The following DACH2 variants were observed in gnomAD, a reference collection of about 807,000 sequenced individuals.
DACH2 encodes dachshund family transcription factor 2, also known as dachshund homolog 2.
In DACH2, 17 loss-of-function variants were observed where a neutral mutation model predicts 35.8. That is an observed-to-expected ratio of 0.48 (90% CI 0.33 to 0.71). The LOEUF (loss-of-function observed/expected upper bound fraction) is 0.71, where lower values mean the gene tolerates loss of function less well. DACH2 is among the 30% of genes least tolerant of loss of function. DACH2 has a pLI of 0.02. For missense variants in DACH2, 469 were observed against 472.7 expected (o/e 0.99, Z 0.07); for synonymous variants, 195 against 177.3 (o/e 1.10, Z -0.79).
chrX:86,522,827 G>A (rs934193482), intron 3 of DACH2, among the ~76,000 whole-genome samples: 1 of 111,640 alleles, frequency 9.0e-6, no homozygotes, highest in Non-Finnish European at 1.9e-5. Flanking sequence ...AGGGAGAAAA[G>A]GAGAGGGAAT....
At chrX:86,663,196 T>C (rs1389281716) in intron 4 of DACH2, among the ~76,000 whole-genome samples, 2 of 111,674 alleles carry the variant, frequency 1.8e-5, no homozygotes. Flanking sequence ...GTAGGAAATA[T>C]TCATTTCTCT....
chrX:86,262,665 T>A (rs2033648208), intron 1 of DACH2, among the ~76,000 whole-genome samples: 1 of 111,689 alleles, frequency 9.0e-6, no homozygotes, highest in Non-Finnish European at 1.9e-5. Context: ...CCATTCATTG[T>A]ATACCGCCTC....
At chrX:86,253,440 C>T (rs186149238) in intron 1 of DACH2, among the ~76,000 whole-genome samples, 10 of 111,697 alleles carry the variant, frequency 9.0e-5, no homozygotes, top group Non-Finnish European at 1.7e-4. Flanking sequence ...TATTATTTTG[C>T]TATTGCTCAA....
chrX:86,809,623 G>C (rs1248099719), intron 7 of DACH2, among the ~76,000 whole-genome samples: 1 of 111,720 alleles, frequency 9.0e-6, no homozygotes, highest in Non-Finnish European at 1.9e-5. Context: ...TGTGACCTTG[G>C]TGTGAAAAGC....
chrX:86,751,892 G>A (rs2041777473), intron 7 of DACH2, among the ~76,000 whole-genome samples: 1 of 111,753 alleles, frequency 8.9e-6, no homozygotes, highest in African/African-American at 3.2e-5. Context: ...ATACAACATG[G>A]AATATTACAG....
intron 3 of DACH2, among the ~76,000 whole-genome samples, chrX:86,641,457 A>G (rs747910188): frequency 8.9e-6 from 1 of 112,342 alleles, no homozygotes; most frequent in African/African-American, 3.2e-5. Flanking sequence ...GGGATTATGT[A>G]AAGAGGCAAA....
chrX:86,266,565 T>C (rs1483208027), intron 1 of DACH2, among the ~76,000 whole-genome samples: 1 of 111,841 alleles, frequency 8.9e-6, no homozygotes, highest in East Asian at 2.8e-4. Context: ...ATGCAACATA[T>C]TGCATGCAAA....
intron 4 of DACH2, among the ~76,000 whole-genome samples, chrX:86,669,627 C>A (rs2040741021): frequency 9.0e-6 from 1 of 111,224 alleles, no homozygotes; most frequent in Admixed American, 9.6e-5. Flanking sequence ...AGTATATGGT[C>A]AAATACATGA....
chrX:86,330,833 G>T (rs950897055), intron 1 of DACH2, among the ~76,000 whole-genome samples: 5 of 111,437 alleles, frequency 4.5e-5, no homozygotes, highest in Non-Finnish European at 9.4e-5. Flanking sequence ...AAAATGAAAA[G>T]TATTTTCCCA....
chrX:86,403,958 G>A (rs2036479283), intron 2 of DACH2, among the ~76,000 whole-genome samples: 1 of 110,139 alleles, frequency 9.1e-6, no homozygotes, highest in Non-Finnish European at 1.9e-5. Flanking sequence ...GCAAGGAGAA[G>A]TGCAGAGCAA....
chrX:86,490,311 A>G (rs1367381926), intron 2 of DACH2, among the ~76,000 whole-genome samples: 2 of 111,605 alleles, frequency 1.8e-5, no homozygotes, highest in Non-Finnish European at 3.8e-5. Flanking sequence ...TGCATGTCTC[A>G]TTGTGAAAAC....
chrX:86,361,030 C>T (rs994954030), intron 1 of DACH2, among the ~76,000 whole-genome samples: 1 of 111,215 alleles, frequency 9.0e-6, no homozygotes, highest in South Asian at 3.7e-4. Context: ...ATAAAACCTG[C>T]AATAAACTTT....
intron 1 of DACH2, among the ~76,000 whole-genome samples, chrX:86,210,548 T>G (rs1391673785): frequency 1.8e-5 from 2 of 111,874 alleles, no homozygotes; most frequent in East Asian, 5.6e-4. Context: ...GTTTAAGATT[T>G]CTTTGATAGT....
chrX:86,468,001 G>T (rs1348213890), intron 2 of DACH2, among the ~76,000 whole-genome samples: 1 of 111,088 alleles, frequency 9.0e-6, no homozygotes, highest in Non-Finnish European at 1.9e-5. Flanking sequence ...ATGAGATTTG[G>T]GTGGGGATGT....
At chrX:86,522,984 G>T (rs1362317942) in intron 3 of DACH2, among the ~76,000 whole-genome samples, 1 of 111,866 alleles carries the variant, frequency 8.9e-6, no homozygotes, top group African/African-American at 3.2e-5. Context: ...CTAATAGACA[G>T]ATGTGAAATT....
intron 11 of DACH2, among the ~76,000 whole-genome samples, chrX:86,819,188 G>A (rs1001311842): frequency 7.4e-5 from 8 of 108,730 alleles, no homozygotes; most frequent in African/African-American, 1.0e-4. Flanking sequence ...TTATATTTTC[G>A]GAGTCTACCA....
At chrX:86,485,013 TTAGA>T (rs1347970728) in intron 2 of DACH2, among the ~76,000 whole-genome samples, 1 of 111,903 alleles carries the variant, frequency 8.9e-6, no homozygotes, top group Non-Finnish European at 1.9e-5. Flanking sequence ...CACTTTATTC[TTAGA>T]TAGGAAGTAT....
chrX:86,391,344 G>C (rs2148118410), intron 2 of DACH2, among the ~76,000 whole-genome samples: 1 of 91,820 alleles, frequency 1.1e-5, no homozygotes, highest in African/African-American at 4.0e-5. Flanking sequence ...CGATTATTCA[G>C]TCACTTATTT....
chrX:86,472,611 T>C (rs2037777933), intron 2 of DACH2, among the ~76,000 whole-genome samples: 1 of 112,140 alleles, frequency 8.9e-6, no homozygotes, highest in African/African-American at 3.2e-5. Flanking sequence ...CTACACTGCA[T>C]TTCTTAAAAT....
Sources: allele counts gnomAD v4.1 joint callset (sites outside exome capture counted in the v4.1 genomes callset), GRCh38; gene constraint gnomAD v4.1.1; transcripts MANE v1.5; gene names NCBI Gene and HGNC (gene_info 2026-07-23, HGNC 2026-07-21).